HS6ST3: variants seen among roughly 807,000 people sequenced by gnomAD.
The protein encoded by HS6ST3 is heparan-sulfate 6-O-sulfotransferase 3.
HS6ST3 carries 12 observed loss-of-function variants against 36.7 expected under a neutral mutation model. The observed-to-expected ratio is 0.33, with a 90% CI of 0.21 to 0.53. The LOEUF is 0.53. HS6ST3 is among the 20% of genes least tolerant of loss of function. The pLI, the probability that HS6ST3 is intolerant of heterozygous loss-of-function variation, is 0.95. For missense variants in HS6ST3, 584 were observed against 640.9 expected (o/e 0.91, Z 0.96); for synonymous variants, 240 against 257.5 (o/e 0.93, Z 0.65).
chr13:96,115,494 C>T (rs778886392), intron 1 of HS6ST3, among the ~76,000 whole-genome samples: 7 of 152,084 alleles, frequency 4.6e-5, no homozygotes, highest in Admixed American at 2.0e-4. Flanking sequence ...TGAGAACATG[C>T]GGTGTTTGGT....
intron 1 of HS6ST3, among the ~76,000 whole-genome samples, chr13:96,113,980 A>G (rs941228431): frequency 6.6e-6 from 1 of 152,020 alleles, no homozygotes; most frequent in African/African-American, 2.4e-5. Context: ...GCGTATTAGG[A>G]TATGTTTGAG....
chr13:96,335,574 G>C (rs2055096515), intron 1 of HS6ST3, among the ~76,000 whole-genome samples: 1 of 152,188 alleles, frequency 6.6e-6, no homozygotes, highest in East Asian at 1.9e-4. Context: ...TTTAGCTATA[G>C]CTGGGGTGAA....
intron 1 of HS6ST3, among the ~76,000 whole-genome samples, chr13:96,254,480 TATATATATATATATATATACACATAC>T (rs1299211555): frequency 0.027 from 378 of 14,246 alleles, 30 homozygotes; most frequent in African/African-American, 0.057. Flanking sequence ...TATATATATA[TATATATATATATATATATACACATAC>T]ATACACACAC....
At position 96,469,594 on chromosome 13, in the gene HS6ST3, A is replaced by G. The variant is rs556469609; in HGVS notation, c.708-362896A>G. Reference sequence around the variant, plus strand: ...TAGCCCAGAACTTGGTTGCCATTCAATGAGCCATTTTAAAAATTACTGAGT... The same window carrying G: ...TAGCCCAGAACTTGGTTGCCATTCAGTGAGCCATTTTAAAAATTACTGAGT... On this transcript the variant is annotated intron_variant, in intron 1 of 1. Transcript: ENST00000376705. Among the ~76,000 whole-genome samples the G allele has an allele frequency of 4.6e-5, 7 of 152,304 alleles. No homozygotes were observed. The South Asian group carries it at 1.2e-3, about 27-fold the overall frequency.
chr13:96,230,346 G>A (rs543927123), intron 1 of HS6ST3, among the ~76,000 whole-genome samples: 2 of 152,114 alleles, frequency 1.3e-5, no homozygotes, highest in Non-Finnish European at 2.9e-5. Context: ...AAACTCTCAG[G>A]GTACTGGTTT....
At chr13:96,650,667 G>A (rs961391456) in intron 1 of HS6ST3, among the ~76,000 whole-genome samples, 12 of 151,950 alleles carry the variant, frequency 7.9e-5, no homozygotes, top group Non-Finnish European at 1.6e-4. Context: ...GCAGCAGGGT[G>A]GAAGACTGAA....
chr13:96,630,676 A>G (rs908273422), intron 1 of HS6ST3, among the ~76,000 whole-genome samples: 1 of 151,952 alleles, frequency 6.6e-6, no homozygotes, highest in African/African-American at 2.4e-5. Context: ...GGATTTGGCT[A>G]ATATTCTCGG....
chr13:96,306,915 T>A (rs538575177), intron 1 of HS6ST3, among the ~76,000 whole-genome samples: 9 of 152,324 alleles, frequency 5.9e-5, no homozygotes, highest in Admixed American at 6.5e-5. Flanking sequence ...GGAAGTGGCT[T>A]ACCTGGAGCT....
intron 1 of HS6ST3, among the ~76,000 whole-genome samples, chr13:96,566,725 C>A (rs1351500718): frequency 6.6e-6 from 1 of 152,130 alleles, no homozygotes; most frequent in African/African-American, 2.4e-5. Flanking sequence ...AATGTAAACA[C>A]TGATCATTCC....
At chr13:96,543,068 A>G (rs2056184325) in intron 1 of HS6ST3, among the ~76,000 whole-genome samples, 1 of 152,138 alleles carries the variant, frequency 6.6e-6, no homozygotes, top group Admixed American at 6.5e-5. Context: ...ATCACATACC[A>G]TGTCCCTATC....
intron 1 of HS6ST3, among the ~76,000 whole-genome samples, chr13:96,524,804 G>T (rs545036321): frequency 6.6e-6 from 1 of 152,312 alleles, no homozygotes; most frequent in African/African-American, 2.4e-5. Context: ...CAGATCCCTT[G>T]TGCTTCCCAG....
At chr13:96,685,052 A>G (rs1874731604) in intron 1 of HS6ST3, among the ~76,000 whole-genome samples, 1 of 152,116 alleles carries the variant, frequency 6.6e-6, no homozygotes, top group Non-Finnish European at 1.5e-5. Context: ...TAAATTGAGT[A>G]TTCAGAACAC....
chr13:96,396,000 A>T (rs1172557317), intron 1 of HS6ST3, among the ~76,000 whole-genome samples: 2 of 152,158 alleles, frequency 1.3e-5, no homozygotes, highest in Non-Finnish European at 2.9e-5. Context: ...GGGAAAAATG[A>T]TACCTACCTC....
At chr13:96,464,248 C>A (rs958591457) in intron 1 of HS6ST3, among the ~76,000 whole-genome samples, 1 of 151,248 alleles carries the variant, frequency 6.6e-6, no homozygotes, top group Non-Finnish European at 1.5e-5. Context: ...TACCCCCCTA[C>A]CCAGTTCCTG....
chr13:96,726,597 T>C (rs569672927), intron 1 of HS6ST3, among the ~76,000 whole-genome samples: 3 of 152,252 alleles, frequency 2.0e-5, no homozygotes, highest in African/African-American at 7.2e-5. Flanking sequence ...CTTGTAGCTT[T>C]TCTTGTATAA....
At chr13:96,553,318 A>G (rs577600818) in intron 1 of HS6ST3, among the ~76,000 whole-genome samples, 2 of 152,328 alleles carry the variant, frequency 1.3e-5, no homozygotes, top group Admixed American at 1.3e-4. Context: ...CCAGTGGTCA[A>G]TGAGTCAGAG....
chr13:96,611,872 G>A (rs1238184206), intron 1 of HS6ST3, among the ~76,000 whole-genome samples: 4 of 152,180 alleles, frequency 2.6e-5, no homozygotes, highest in Non-Finnish European at 5.9e-5. Context: ...CAGGGAACTG[G>A]ACAAAGTAAG....
At chr13:96,351,385 G>A (rs773536070) in intron 1 of HS6ST3, among the ~76,000 whole-genome samples, 17 of 150,348 alleles carry the variant, frequency 1.1e-4, no homozygotes, top group Non-Finnish European at 2.2e-4. Flanking sequence ...GCAGTGGCAT[G>A]ATCATGGCTT....
intron 1 of HS6ST3, among the ~76,000 whole-genome samples, chr13:96,585,528 C>T (rs2056357769): frequency 6.6e-6 from 1 of 152,094 alleles, no homozygotes; most frequent in African/African-American, 2.4e-5. Context: ...ACTGTAGTCA[C>T]CATGCTATAT....
Sources: gnomAD v4.1 joint callset for allele counts (sites outside exome capture counted in the v4.1 genomes callset) on GRCh38, gnomAD v4.1.1 for gene constraint, MANE v1.5 for transcripts, NCBI Gene and HGNC (gene_info 2026-07-23, HGNC 2026-07-21) for gene names.